MLIP: variants seen among roughly 807,000 people sequenced by gnomAD.
MLIP encodes the protein muscular LMNA-interacting protein.
MLIP carries 79 observed loss-of-function variants against 84.8 expected under a neutral mutation model. That is an observed-to-expected ratio of 0.93 (90% CI 0.78 to 1.12). MLIP has a LOEUF of 1.12. Among genes scored for constraint, MLIP ranks in the 50% most tolerant of loss-of-function variants. The probability of loss-of-function intolerance (pLI) is 0.00; values close to 1 mark genes in which losing one functional copy is unlikely to be tolerated. For missense variants in MLIP, 1,257 were observed against 1,160.6 expected (o/e 1.08, Z -1.21); for synonymous variants, 504 against 463.0 (o/e 1.09, Z -1.14).
chr6:54,082,989 T>G (rs1314138045), intron 1 of MLIP, among the ~76,000 whole-genome samples: 1 of 152,170 alleles, frequency 6.6e-6, no homozygotes, highest in Non-Finnish European at 1.5e-5. Flanking sequence ...GTCTATCTGT[T>G]TTTCTCATAA....
chr6:54,082,400 T>C (rs542181277), intron 1 of MLIP, among the ~76,000 whole-genome samples: 1 of 152,310 alleles, frequency 6.6e-6, no homozygotes, highest in African/African-American at 2.4e-5. Flanking sequence ...TTGTGAGAAC[T>C]CACTCACTAT....
chr6:54,191,284 C>T (rs534064946), intron 10 of MLIP, among the ~76,000 whole-genome samples: 13 of 151,982 alleles, frequency 8.6e-5, no homozygotes, highest in Admixed American at 7.2e-4. Context: ...ATTATTATCC[C>T]AATAAAAATA....
At chr6:54,173,653 G>A (rs543761897) in intron 9 of MLIP, among the ~76,000 whole-genome samples, 87 of 151,862 alleles carry the variant, frequency 5.7e-4, no homozygotes, top group African/African-American at 2.1e-3. Flanking sequence ...ATATAGGAAT[G>A]CAATGCATAA....
intron 1 of MLIP, among the ~76,000 whole-genome samples, chr6:54,052,374 C>T (rs1163401692): frequency 1.3e-5 from 2 of 152,146 alleles, no homozygotes; most frequent in African/African-American, 2.4e-5. Flanking sequence ...GTTCGTCTAC[C>T]TGTTGTTCAA....
At chr6:54,103,476 C>G (rs547104477) in intron 1 of MLIP, among the ~76,000 whole-genome samples, 10 of 152,212 alleles carry the variant, frequency 6.6e-5, no homozygotes, top group South Asian at 6.2e-4. Context: ...TATTAATTTG[C>G]CTTGGGTTAC....
intron 1 of MLIP, 54 bp downstream of exon 1, chr6:54,111,629 G>T: frequency 1.3e-6 from 2 of 1,512,440 alleles, no homozygotes; most frequent in Non-Finnish European, 1.8e-6. Flanking sequence ...GCAGTGTACG[G>T]TGCTGGTGGT....
At chr6:54,144,578 T>C (rs1407231) in intron 4 of MLIP, among the ~76,000 whole-genome samples, 68,234 of 152,040 alleles carry the variant, frequency 0.45, 17,095 homozygotes, top group African/African-American at 0.68. Flanking sequence ...CAATAGGGTT[T>C]GCACTCCTAT....
At chr6:54,093,389 T>TATTCTATTCC (rs1767994216) in intron 1 of MLIP, among the ~76,000 whole-genome samples, 1 of 151,390 alleles carries the variant, frequency 6.6e-6, no homozygotes, top group Non-Finnish European at 1.5e-5. Flanking sequence ...TATTCTATTC[T>TATTCTATTCC]ATTCTTCTTT....
chr6:54,021,702 T>C (rs1763507373), intron 1 of MLIP, among the ~76,000 whole-genome samples: 1 of 152,206 alleles, frequency 6.6e-6, no homozygotes, highest in Non-Finnish European at 1.5e-5. Flanking sequence ...GATTGCTAGG[T>C]ACTTAACCAA....
chr6:54,029,922 T>C (rs1300198238), intron 1 of MLIP, among the ~76,000 whole-genome samples: 1 of 152,172 alleles, frequency 6.6e-6, no homozygotes, highest in African/African-American at 2.4e-5. Context: ...ATGTGTATAA[T>C]GGGCTATGAC....
intron 1 of MLIP, among the ~76,000 whole-genome samples, chr6:54,030,875 A>G (rs1764092757): frequency 6.6e-6 from 1 of 152,160 alleles, no homozygotes; most frequent in Admixed American, 6.5e-5. Context: ...ATTTAGTTTA[A>G]TGATGTTTAT....
intron 9 of MLIP, among the ~76,000 whole-genome samples, chr6:54,178,623 T>C (rs1295421790): frequency 6.6e-6 from 1 of 152,208 alleles, no homozygotes; most frequent in African/African-American, 2.4e-5. Context: ...AATCTTTCAA[T>C]TTCTTTCTTA....
intron 12 of MLIP, among the ~76,000 whole-genome samples, chr6:54,241,579 T>C (rs549653227): frequency 1.3e-5 from 2 of 152,152 alleles, no homozygotes; most frequent in Non-Finnish European, 2.9e-5. Flanking sequence ...AACATGTACT[T>C]TCTTATGATT....
intron 12 of MLIP, among the ~76,000 whole-genome samples, chr6:54,234,110 A>G (rs950209102): frequency 3.3e-5 from 5 of 152,002 alleles, no homozygotes; most frequent in Non-Finnish European, 2.9e-5. Context: ...CTTTGACAGA[A>G]GGATAGATTG....
At chr6:54,198,045 G>T (rs1029398016) in intron 10 of MLIP, among the ~76,000 whole-genome samples, 1 of 152,082 alleles carries the variant, frequency 6.6e-6, no homozygotes, top group Non-Finnish European at 1.5e-5. Flanking sequence ...CAGAAGACAA[G>T]GCCAAATGGG....
Position 54,053,516 on chromosome 6 carries a change from G to T in MLIP, c.63+34425G>T, listed in dbSNP as rs1296577120. Among the ~76,000 whole-genome samples the T allele has an allele frequency of 2.0e-5, 3 of 152,098 alleles. No homozygotes were observed. The South Asian group carries it at 6.2e-4, about 32-fold the overall frequency. The stretch of plus-strand genomic sequence containing the variant: ...GACTTGTGCAAAATCTCATTATAAA[G>T]TTCAAGTGACATGATATTAATTTCT... On this transcript the variant is annotated intron_variant, in intron 1 of 12. Coordinates refer to the MLIP transcript ENST00000274897.
chr6:54,184,879 A>G (rs888652593), intron 9 of MLIP, among the ~76,000 whole-genome samples: 6 of 152,188 alleles, frequency 3.9e-5, no homozygotes, highest in Non-Finnish European at 5.9e-5. Context: ...ATTTCACACA[A>G]GAGCCATTCT....
Position 54,124,612 on chromosome 6 carries a change from A to G in MLIP, c.392A>G (p.Gln131Arg). 6.2e-7 allele frequency: 1 copy of G among 1,614,234 alleles called. No individual in the cohort carries two copies. The highest frequency in any genetic ancestry group is 8.5e-7 in the Non-Finnish European group (1 of 1,180,030). ...EFEANKLQGM[Q>R]QSDLFKAEYV... The stretch of plus-strand genomic sequence containing the variant: ...GAAGCAAACAAACTTCAAGGGATGC[A>G]GCAAAGTGACCTCTTCAAAGCTGAA... The change falls in exon 3 of 14, where the codon CAG becomes CGG. Residue 131 changes from glutamine (Q) to arginine (R), a missense_variant. By Grantham distance (43) the Gln-to-Arg change is conservative. Transcript: ENST00000502396.
rs866752831 is a variant in MLIP, at chr6:54,093,328, A to C, written c.64-28119A>C. Among the ~76,000 whole-genome samples, 3 of 81,374 alleles carry C rather than the reference A, an allele frequency of 3.7e-5. No homozygotes were observed. In the South Asian group the frequency reaches 1.3e-3, roughly 34 times the overall value. 53.4% of individuals were successfully genotyped at this position (81,374 alleles called of 152,430 possible). Reference sequence around the variant, plus strand: ...AGTGCTTATTAATATATTTTCGATTAAATTCTATTCTATTCTATTCTATTC... The same window carrying C: ...AGTGCTTATTAATATATTTTCGATTCAATTCTATTCTATTCTATTCTATTC... On this transcript the variant is annotated intron_variant, in intron 1 of 12. Transcript: ENST00000274897.
Sources: gnomAD v4.1 joint callset for allele counts (sites outside exome capture counted in the v4.1 genomes callset) on GRCh38, gnomAD v4.1.1 for gene constraint, MANE v1.5 for transcripts, NCBI Gene and HGNC (gene_info 2026-07-23, HGNC 2026-07-21) for gene names.